Variants in GOLGA2 observed in about 807,000 individuals in gnomAD.
GOLGA2 encodes golgin subfamily A member 2.
A neutral mutation model predicts 148.8 loss-of-function variants in GOLGA2; 49 were observed. That is an observed-to-expected ratio of 0.33 (90% CI 0.26 to 0.42). GOLGA2 has a LOEUF of 0.42. Among genes scored for constraint, GOLGA2 ranks in the 10% least tolerant of loss-of-function variants. The pLI, the probability that GOLGA2 is intolerant of heterozygous loss-of-function variation, is 1.00. For missense variants in GOLGA2, 1,178 were observed against 1,304.6 expected (o/e 0.90, Z 1.49); for synonymous variants, 501 against 511.8 (o/e 0.98, Z 0.28).
In GOLGA2 at chr9:128,257,461, C is replaced by T. The variant is rs1299206643; in HGVS notation, c.2783G>A (p.Gly928Asp). Residue 928 changes from glycine to aspartate, a missense_variant, in exon 26 of 27, where the codon GGC becomes GAC. This residue lies in a region of GOLGA2 where 149 missense variants were observed against 154.9 expected (regional missense o/e 0.96). Coordinates refer to ENST00000611957, the MANE Select transcript of GOLGA2 (RefSeq NM_001366244.2). This position sits in a 1 kb window ranked among gnomAD's most constrained non-coding sequence, Gnocchi z 8.0. ...RLVGDRNEWHGRFLAAAQNPA... is the reference protein window; with the variant it reads ...RLVGDRNEWHDRFLAAAQNPA... The stretch of plus-strand genomic sequence containing the variant: ...GTTCTGGGCAGCTGCCAGGAATCTG[C>T]CATGCCACTCGTTGCGGTCGCCCAC... The T allele has an allele frequency of 2.5e-6, 4 of 1,613,300 alleles. No homozygotes were observed. In the East Asian group the frequency reaches 8.9e-5, roughly 36 times the overall value.
In GOLGA2 at chr9:128,273,957, G is replaced by C. The variant is rs1831133620; in HGVS notation, c.100C>G (p.Gln34Glu). The C allele has an allele frequency of 6.2e-7, 1 of 1,612,532 alleles. No homozygotes were observed. Among genetic ancestry groups the C allele is most frequent in the African/African-American group, 1.3e-5 (1 of 74,816 alleles). The change falls in exon 2 of 27, where the codon CAG (glutamine) becomes GAG (glutamate). Residue 34 changes from glutamine (Q) to glutamate (E), a missense_variant. Gln to Glu is a conservative substitution (Grantham distance 29). Around this residue, in one of 5 missense-constraint regions of GOLGA2, gnomAD observed 158 missense variants for 156.6 expected, o/e 1.01. Coordinates refer to ENST00000611957, the MANE Select transcript of GOLGA2 (RefSeq NM_001366244.2). ...GTAGGAACACCAGGGCTATTCCTCT[G>C]CTGATATTCTCTCAACTGTGGAAAA... The part of the protein sequence containing the change: ...AAKKKLREYQ[Q>E]RNSPGVPTGA...
chr9:128,275,404 C>A, intron 1 of GOLGA2: 1 of 1,287,744 alleles, frequency 7.8e-7, no homozygotes, highest in Non-Finnish European at 9.9e-7. Context: ...GTCGCCGCTC[C>A]GCGATGGGGG....
At chr9:128,275,297 G>T in intron 1 of GOLGA2, 5 of 784,650 alleles carry the variant, frequency 6.4e-6, no homozygotes, top group Non-Finnish European at 9.4e-6. Flanking sequence ...TGGGTCCTAA[G>T]ATCAAAGACT....
At chr9:128,263,648 G>A (rs1171729807) in intron 12 of GOLGA2, among the ~76,000 whole-genome samples, 1 of 151,954 alleles carries the variant, frequency 6.6e-6, no homozygotes, top group Non-Finnish European at 1.5e-5. Context: ...TCGATCTCCT[G>A]ACCTTGTGAT....
chr9:128,259,786 AG>A (rs1830136189), intron 19 of GOLGA2, among the ~76,000 whole-genome samples: 1 of 152,242 alleles, frequency 6.6e-6, no homozygotes, highest in Admixed American at 6.5e-5. Context: ...AGTGGAGCAA[AG>A]GCCAGAATCC....
At chr9:128,272,420 G>A (rs1023603790) in intron 3 of GOLGA2, among the ~76,000 whole-genome samples, 1 of 151,482 alleles carries the variant, frequency 6.6e-6, no homozygotes, top group African/African-American at 2.4e-5. Context: ...GGAGGCAGAG[G>A]TTGCAGTGAG....
rs576724094 is a variant in GOLGA2 at position 128,271,559 on chromosome 9, G to A, written c.288+1226C>T. 2.0e-5 allele frequency among the ~76,000 whole-genome samples: 3 copies of A among 152,184 alleles called. No homozygotes were observed. The highest frequency in any genetic ancestry group is 2.1e-4 in the South Asian group (1 of 4,824). On this transcript the variant is annotated intron_variant, in intron 3 of 26. Transcript: ENST00000611957. The surrounding 1 kb of genome is among the most constrained non-coding windows in gnomAD (Gnocchi z 4.4). ...ACCAGGCTCCCTGTGTTCCTGAAAG[G>A]TGCTCTGTGAGTTCACACTCTGGCC...
chr9:128,258,372 GC>G lies in GOLGA2; in HGVS notation c.2289+82del. On this transcript the variant is annotated intron_variant, in intron 22 of 26. Coordinates refer to ENST00000611957, the MANE Select transcript of GOLGA2 (RefSeq NM_001366244.2). The surrounding 1 kb of genome is among the most constrained non-coding windows in gnomAD (Gnocchi z 6.6). ...GGTGAGGGTCCGAAGAAATCAGAAG[GC>G]CGGGAAACCAAGAGCAGAAGGGGGT... 7.5e-7 allele frequency: 1 copy of G among 1,329,596 alleles called. No homozygotes were observed. Among genetic ancestry groups the G allele is most frequent in the Non-Finnish European group, 1.1e-6 (1 of 928,802 alleles). The allele number at this position is 1,329,596 out of a possible 1,614,324, so 82.4% of individuals were successfully genotyped here. A position where few individuals can be genotyped will look rare whatever the true frequency, so the allele number is the denominator to read the frequency against.
intron 12 of GOLGA2, among the ~76,000 whole-genome samples, chr9:128,263,925 G>GAC (rs1830432465): frequency 6.7e-6 from 1 of 150,214 alleles, no homozygotes; most frequent in African/African-American, 2.4e-5. Flanking sequence ...GGGAGGCCGA[G>GAC]GGGGACGGAT....
Position 128,260,576 on chromosome 9 carries a change from C to T in GOLGA2, c.1647G>A (p.Arg549=). 6.2e-7 allele frequency: 1 copy of T among 1,612,068 alleles called. No homozygotes were observed. Among genetic ancestry groups the T allele is most frequent in the Non-Finnish European group, 8.5e-7 (1 of 1,179,998 alleles). The part of the protein sequence containing the change: ...ELWGEQAEAR[R]QILETMQNDR... Reference sequence around the variant, plus strand: ...CGTTCTGCATGGTCTCCAGGATTTGCCTGCGCGCCTCCGCCTGCTCCCCCC... The same window carrying T: ...CGTTCTGCATGGTCTCCAGGATTTGTCTGCGCGCCTCCGCCTGCTCCCCCC... Residue 549 remains arginine (R), a synonymous_variant, in exon 18 of 27, where the codon AGG becomes AGA. Coordinates refer to ENST00000611957, the MANE Select transcript of GOLGA2 (RefSeq NM_001366244.2). This position sits in a 1 kb window ranked among gnomAD's most constrained non-coding sequence, Gnocchi z 4.8.
chr9:128,259,327 A>T lies in GOLGA2; in HGVS notation c.1937T>A (p.Leu646Gln). Residue 646 changes from leucine (L) to glutamine (Q), a missense_variant, in exon 20 of 27, where the codon CTG (leucine) becomes CAG (glutamine). Leu to Gln is a moderately radical substitution (Grantham distance 113). Around this residue, in one of 5 missense-constraint regions of GOLGA2, gnomAD observed 529 missense variants for 521.8 expected, o/e 1.01. Transcript: ENST00000611957. ...CTGATAGGCGGCCACATACTGCTGCAGGTGTCCCAGGTACTGGTCTCGCTG... is the reference window on the plus strand; with the variant it reads ...CTGATAGGCGGCCACATACTGCTGCTGGTGTCCCAGGTACTGGTCTCGCTG... ...QQQRDQYLGH[L>Q]QQYVAAYQQL... The T allele has an allele frequency of 6.2e-7, 1 of 1,609,562 alleles. No individual in the cohort carries two copies. Among genetic ancestry groups the T allele is most frequent in the Non-Finnish European group, 8.5e-7 (1 of 1,178,582 alleles).
chr9:128,271,638 C>T lies in GOLGA2; in HGVS notation c.288+1147G>A, dbSNP rs1830954583. On this transcript the variant is annotated intron_variant, in intron 3 of 26. Coordinates refer to ENST00000611957, the MANE Select transcript of GOLGA2 (RefSeq NM_001366244.2). This position sits in a 1 kb window ranked among gnomAD's most constrained non-coding sequence, Gnocchi z 4.4. ...CACTCCCCATATGGATTAATGTTACCCACCTTTAATCTTCAAGCCAGCTTC... is the reference window on the plus strand; with the variant it reads ...CACTCCCCATATGGATTAATGTTACTCACCTTTAATCTTCAAGCCAGCTTC... Among the ~76,000 whole-genome samples the T allele has an allele frequency of 6.6e-6, 1 of 152,088 alleles. No individual in the cohort carries two copies. Among genetic ancestry groups the T allele is most frequent in the Non-Finnish European group, 1.5e-5 (1 of 68,024 alleles).
At position 128,260,164 on chromosome 9, in the gene GOLGA2, C is replaced by A. The variant is rs767573741; in HGVS notation, c.1784G>T (p.Ser595Ile). ...KLTNENMEIT[S>I]ALQSEQHVKR... ...GACGTGCTGCTCCGACTGCAGTGCG[C>A]TGGTGATCTCCATGTTCTCATTAGT... Residue 595 changes from serine (S) to isoleucine (I), a missense_variant, in exon 19 of 27, where the codon AGC becomes ATC. Physicochemically the swap from Ser to Ile is moderately radical, Grantham distance 142. Around this residue, in one of 5 missense-constraint regions of GOLGA2, gnomAD observed 529 missense variants for 521.8 expected, o/e 1.01. Transcript: ENST00000611957. This position sits in a 1 kb window ranked among gnomAD's most constrained non-coding sequence, Gnocchi z 4.8. 3.7e-6 allele frequency: 6 copies of A among 1,608,928 alleles called. No homozygotes were observed. In the South Asian group the frequency reaches 6.6e-5, roughly 18 times the overall value.
chr9:128,262,910 T>C, intron 13 of GOLGA2, 124 bp downstream of exon 13: 1 of 830,056 alleles, frequency 1.2e-6, no homozygotes, highest in South Asian at 1.4e-5. Context: ...GCACTAGAGC[T>C]TTGCTGGGCA....
rs1226297143 is a variant in GOLGA2, at chr9:128,261,329, GC to G, written c.1333-71del. 1.5e-6 allele frequency: 2 copies of G among 1,323,432 alleles called. No homozygotes were observed. The highest frequency in any genetic ancestry group is 1.1e-6 in the Non-Finnish European group (1 of 916,770). 82.0% of individuals were successfully genotyped at this position (1,323,432 alleles called of 1,614,324 possible). On this transcript the variant is annotated intron_variant, in intron 16 of 26. Transcript: ENST00000611957. This position sits in a 1 kb window ranked among gnomAD's most constrained non-coding sequence, Gnocchi z 5.7. Reference sequence around the variant, plus strand: ...GCTGGACAGGCTACCATCTCCCTCTGCCCCCACCGCCACAAAGCCCAGACCC... The same window carrying G: ...GCTGGACAGGCTACCATCTCCCTCTGCCCCACCGCCACAAAGCCCAGACCC...
At chr9:128,268,563 G>A (rs747875925) in intron 3 of GOLGA2, 39 bp from the exon 4 acceptor site, 6 of 1,104,750 alleles carry the variant, frequency 5.4e-6, no homozygotes, top group Non-Finnish European at 8.2e-6. Flanking sequence ...GGGCCATGCG[G>A]GAGAGGTGCC....
chr9:128,275,685 C>T (rs1831292832), intron 1 of GOLGA2, among the ~76,000 whole-genome samples: 1 of 151,900 alleles, frequency 6.6e-6, no homozygotes, highest in South Asian at 2.1e-4. Flanking sequence ...AGCACCAGCC[C>T]AAAGTCACCC....
At position 128,260,862 on chromosome 9, in the gene GOLGA2, C is replaced by T. The variant is rs12338625; in HGVS notation, c.1421-60G>A. 0.069 allele frequency: 81,794 copies of T among 1,184,416 alleles called. 3,781 individuals carry two copies. The highest frequency in any genetic ancestry group is 0.21 in the East Asian group (8,712 of 41,382). The allele number at this position is 1,184,416 out of a possible 1,614,324, so 73.4% of individuals were successfully genotyped here. On this transcript the variant is annotated intron_variant, in intron 17 of 26. Coordinates refer to ENST00000611957, the MANE Select transcript of GOLGA2 (RefSeq NM_001366244.2). This position sits in a 1 kb window ranked among gnomAD's most constrained non-coding sequence, Gnocchi z 4.8. ...TTCTCAAAAAAACCCTCCTCTTGGT[C>T]CATACCTCCTCTCAAGCTCCCCAAA... is the stretch of plus-strand genomic sequence containing the variant.
intron 3 of GOLGA2, 37 bp from the exon 4 acceptor site, chr9:128,268,561 C>T (rs750017124): frequency 1.1e-5 from 12 of 1,134,450 alleles, no homozygotes; most frequent in Middle Eastern, 1.9e-4. Context: ...GGGGGCCATG[C>T]GGGAGAGGTG....
Sources: gnomAD v4.1 joint callset for allele counts (sites outside exome capture counted in the v4.1 genomes callset) on GRCh38, gnomAD v4.1.1 for gene constraint, gnomAD v4.1.1 regional missense constraint, Gnocchi (gnomAD v3.1) non-coding constraint, MANE v1.5 for transcripts, NCBI Gene and HGNC (gene_info 2026-07-23, HGNC 2026-07-21) for gene names.